TMEM117: variants seen among roughly 807,000 people sequenced by gnomAD.
TMEM117 encodes the protein transmembrane protein 117.
A neutral mutation model predicts 52.4 loss-of-function variants in TMEM117; 27 were observed. The observed-to-expected ratio is 0.51, with a 90% confidence interval of 0.38 to 0.71. The LOEUF (loss-of-function observed/expected upper bound fraction) is 0.71. TMEM117 is among the 30% of genes least tolerant of loss of function. The probability of loss-of-function intolerance (pLI) is 0.00; values close to 1 mark genes in which losing one functional copy is unlikely to be tolerated. For missense variants in TMEM117, 556 were observed against 630.5 expected, an observed-to-expected ratio of 0.88 and a Z score of 1.26; for synonymous variants, 215 against 206.3, an observed-to-expected ratio of 1.04 and a Z score of -0.36.
chr12:43,992,347 C>A (rs1945956623), intron 3 of TMEM117, among the ~76,000 whole-genome samples: 1 of 152,038 alleles, frequency 6.6e-6, no homozygotes, highest in African/African-American at 2.4e-5. Flanking sequence ...TTTCTAACTG[C>A]AGCCTCCATT....
chr12:44,300,505 A>G (rs1370314238), intron 6 of TMEM117, among the ~76,000 whole-genome samples: 1 of 152,240 alleles, frequency 6.6e-6, no homozygotes, highest in African/African-American at 2.4e-5. Flanking sequence ...TACTGAAGGA[A>G]TACTCCACTG....
intron 2 of TMEM117, among the ~76,000 whole-genome samples, chr12:43,907,020 T>C (rs1036508205): frequency 9.9e-5 from 15 of 152,230 alleles, no homozygotes; most frequent in Admixed American, 2.6e-4. Flanking sequence ...TGCCTGCCTC[T>C]GTAGGCTCCA....
intron 3 of TMEM117, among the ~76,000 whole-genome samples, chr12:44,021,236 T>C (rs1452691537): frequency 6.6e-6 from 1 of 152,166 alleles, no homozygotes; most frequent in Non-Finnish European, 1.5e-5. Flanking sequence ...CAAATAGTTA[T>C]CTTTTCTGCT....
At chr12:44,329,903 T>C (rs1379571522) in intron 6 of TMEM117, among the ~76,000 whole-genome samples, 1 of 152,124 alleles carries the variant, frequency 6.6e-6, no homozygotes. Flanking sequence ...TGTTTATCCA[T>C]TGATCTATCC....
intron 2 of TMEM117, among the ~76,000 whole-genome samples, chr12:43,868,927 TTAA>T (rs1268020400): frequency 6.6e-6 from 1 of 151,940 alleles, no homozygotes; most frequent in Non-Finnish European, 1.5e-5. Context: ...TTTGAGAACA[TTAA>T]TAAGACTAGA....
chr12:44,366,080 T>C (rs1027198042), intron 6 of TMEM117, among the ~76,000 whole-genome samples: 3 of 152,138 alleles, frequency 2.0e-5, no homozygotes, highest in East Asian at 3.8e-4. Context: ...CTAGTGAGCA[T>C]TGAGTAACTG....
In TMEM117 at chr12:44,388,569, C is replaced by T. The variant is rs773777640; in HGVS notation, c.1442C>T (p.Ser481Phe). 1.9e-6 allele frequency: 3 copies of T among 1,613,380 alleles called. No individual in the cohort carries two copies. The African/African-American group carries it at 4.0e-5, about 22-fold the overall frequency. Reference protein sequence around the residue: ...SDFNEIVYKSSHLTSENLSSQ... With the variant: ...SDFNEIVYKSFHLTSENLSSQ... Reference sequence around the variant, plus strand: ...TTCAATGAGATCGTCTACAAGTCTTCCCACCTAACCTCGGAAAACTTGAGC... The same window carrying T: ...TTCAATGAGATCGTCTACAAGTCTTTCCACCTAACCTCGGAAAACTTGAGC... The change falls in exon 8 of 8, where the codon TCC becomes TTC. Residue 481 changes from serine to phenylalanine, a missense_variant. Coordinates refer to ENST00000266534, the MANE Select transcript of TMEM117 (RefSeq NM_032256.3).
At chr12:44,128,382 C>A (rs1395100176) in intron 3 of TMEM117, among the ~76,000 whole-genome samples, 2 of 152,240 alleles carry the variant, frequency 1.3e-5, no homozygotes, top group Non-Finnish European at 1.5e-5. Context: ...CAACATTTTA[C>A]ACAGAGGGCT....
chr12:44,055,471 A>G (rs1032737440), intron 3 of TMEM117, among the ~76,000 whole-genome samples: 2 of 152,328 alleles, frequency 1.3e-5, no homozygotes, highest in African/African-American at 4.8e-5. Flanking sequence ...CATATTAAAC[A>G]TATGGATAGG....
intron 3 of TMEM117, among the ~76,000 whole-genome samples, chr12:43,958,194 A>G (rs1945339742): frequency 1.3e-5 from 2 of 152,226 alleles, no homozygotes; most frequent in Admixed American, 1.3e-4. Flanking sequence ...ATGCTTGCAT[A>G]TGCATCTATA....
intron 2 of TMEM117, among the ~76,000 whole-genome samples, chr12:43,849,266 A>G (rs1301497069): frequency 6.6e-6 from 1 of 152,200 alleles, no homozygotes; most frequent in Admixed American, 6.5e-5. Context: ...TGTTACAAGC[A>G]ATGGCTGGAT....
intron 5 of TMEM117, among the ~76,000 whole-genome samples, chr12:44,299,226 G>C (rs1950806900): frequency 6.6e-6 from 1 of 151,294 alleles, no homozygotes; most frequent in Non-Finnish European, 1.5e-5. Context: ...CACCTCCCAG[G>C]TTCAAGTGAT....
At chr12:44,027,082 C>CTATTTTATTTTATTT (rs66667106) in intron 3 of TMEM117, among the ~76,000 whole-genome samples, 2 of 136,654 alleles carry the variant, frequency 1.5e-5, no homozygotes, top group South Asian at 2.3e-4. Context: ...ATTTCTTAGC[C>CTATTTTATTTTATTT]TATTTTATTT....
intron 1 of TMEM117, among the ~76,000 whole-genome samples, chr12:43,837,437 C>T (rs1343644203): frequency 6.6e-6 from 1 of 152,092 alleles, no homozygotes; most frequent in Non-Finnish European, 1.5e-5. Flanking sequence ...ACCTCCGCCT[C>T]CCGGGTTCAA....
At chr12:43,876,168 G>C (rs994069390) in intron 2 of TMEM117, among the ~76,000 whole-genome samples, 1 of 151,994 alleles carries the variant, frequency 6.6e-6, no homozygotes, top group Non-Finnish European at 1.5e-5. Context: ...TTCCTTTCCG[G>C]TTATTGTTCA....
intron 3 of TMEM117, among the ~76,000 whole-genome samples, chr12:44,095,941 A>G (rs1947752534): frequency 6.6e-6 from 1 of 152,192 alleles, no homozygotes; most frequent in Non-Finnish European, 1.5e-5. Context: ...CTGTTTGTAG[A>G]CGACATGATT....
intron 5 of TMEM117, among the ~76,000 whole-genome samples, chr12:44,227,362 G>A (rs1031400890): frequency 6.6e-6 from 1 of 152,218 alleles, no homozygotes; most frequent in Non-Finnish European, 1.5e-5. Flanking sequence ...TACTTGGGAG[G>A]CTGAGGTGAG....
At chr12:44,309,898 A>G (rs1439311213) in intron 6 of TMEM117, among the ~76,000 whole-genome samples, 2 of 152,180 alleles carry the variant, frequency 1.3e-5, no homozygotes, top group African/African-American at 4.8e-5. Context: ...AACAAAGCAC[A>G]TTGCAGGTGA....
intron 3 of TMEM117, among the ~76,000 whole-genome samples, chr12:44,018,928 C>T (rs1255288304): frequency 6.6e-6 from 1 of 151,874 alleles, no homozygotes; most frequent in Non-Finnish European, 1.5e-5. Flanking sequence ...CCGTGTTGGC[C>T]AGGATGGTCT....
Sources: gnomAD v4.1 joint callset for allele counts (sites outside exome capture counted in the v4.1 genomes callset) on GRCh38, gnomAD v4.1.1 for gene constraint, MANE v1.5 for transcripts, NCBI Gene and HGNC (gene_info 2026-07-23, HGNC 2026-07-21) for gene names.